Variants in STXBP4 observed in about 807,000 individuals in gnomAD.
STXBP4 encodes syntaxin-binding protein 4.
STXBP4 carries 55 observed loss-of-function variants against 76.1 expected under a neutral mutation model. The observed-to-expected ratio is 0.72, with a 90% confidence interval of 0.58 to 0.91. STXBP4 has a LOEUF of 0.91. STXBP4 is among the 40% of genes least tolerant of loss of function. The pLI is 0.00. For missense variants in STXBP4, 618 were observed against 636.9 expected (o/e 0.97, Z 0.32); for synonymous variants, 201 against 220.2 (o/e 0.91, Z 0.77).
chr17:54,984,086 A>G (rs2077589152), intron 1 of STXBP4, among the ~76,000 whole-genome samples: 1 of 152,148 alleles, frequency 6.6e-6, no homozygotes, highest in South Asian at 2.1e-4. Flanking sequence ...AGAGGGCGTG[A>G]AAGTCGAAAT....
chr17:55,047,967 T>TA (rs1039933347), intron 12 of STXBP4, among the ~76,000 whole-genome samples: 34 of 151,366 alleles, frequency 2.2e-4, no homozygotes, highest in African/African-American at 8.0e-4. Context: ...AATTCTGAAA[T>TA]AAAGAGTAGA....
intron 1 of STXBP4, among the ~76,000 whole-genome samples, chr17:54,978,417 A>G (rs1263757083): frequency 6.6e-6 from 1 of 152,188 alleles, no homozygotes; most frequent in East Asian, 1.9e-4. Flanking sequence ...AGCAGAAAAT[A>G]AGTGTATTTA....
At chr17:55,008,107 A>G (rs1048360720) in intron 8 of STXBP4, among the ~76,000 whole-genome samples, 1 of 152,170 alleles carries the variant, frequency 6.6e-6, no homozygotes, top group Non-Finnish European at 1.5e-5. Context: ...TGAGACTCTC[A>G]TGTAAAAGAA....
intron 13 of STXBP4, among the ~76,000 whole-genome samples, chr17:55,075,082 A>G (rs1470256801): frequency 4.6e-5 from 7 of 151,808 alleles, no homozygotes; most frequent in Admixed American, 4.6e-4. Flanking sequence ...CACCTTCAAC[A>G]TAAGAAATAA....
chr17:55,187,956 A>G, the STXBP4 span, among the ~76,000 whole-genome samples: 1 of 152,220 alleles, frequency 6.6e-6, no homozygotes, highest in South Asian at 2.1e-4. Flanking sequence ...GCCGAACTCT[A>G]CATGCATTAT....
chr17:55,190,782 G>A, the STXBP4 span, among the ~76,000 whole-genome samples: 2 of 152,074 alleles, frequency 1.3e-5, no homozygotes, highest in Non-Finnish European at 2.9e-5. Flanking sequence ...AGCTGGTATT[G>A]TTAACAACTC....
intron 16 of STXBP4, among the ~76,000 whole-genome samples, chr17:55,137,293 C>CTCCT (rs1370022892): frequency 2.7e-5 from 4 of 148,950 alleles, no homozygotes; most frequent in African/African-American, 9.9e-5. Flanking sequence ...CCCTCCCTCC[C>CTCCT]TCCCTCTGTC....
intron 11 of STXBP4, among the ~76,000 whole-genome samples, chr17:55,046,571 G>A (rs1157168307): frequency 6.6e-6 from 1 of 151,784 alleles, no homozygotes; most frequent in Non-Finnish European, 1.5e-5. Flanking sequence ...TATTTTATGT[G>A]TATGTATAAT....
At chr17:55,050,964 G>T (rs952654668) in intron 12 of STXBP4, among the ~76,000 whole-genome samples, 1 of 152,108 alleles carries the variant, frequency 6.6e-6, no homozygotes, top group Non-Finnish European at 1.5e-5. Flanking sequence ...ACTGCACCGG[G>T]CCTGAAATGG....
chr17:55,150,331 C>T (rs1337383981), intron 17 of STXBP4, among the ~76,000 whole-genome samples: 1 of 152,172 alleles, frequency 6.6e-6, no homozygotes. Flanking sequence ...GCTGTGTCCT[C>T]ATCTGGCCTC....
intron 8 of STXBP4, among the ~76,000 whole-genome samples, chr17:55,018,476 G>T (rs2078248448): frequency 6.6e-6 from 1 of 152,172 alleles, no homozygotes; most frequent in Non-Finnish European, 1.5e-5. Flanking sequence ...CATAGAAAGG[G>T]AGGGGACCCA....
At chr17:55,049,197 T>C (rs2144769211) in intron 12 of STXBP4, among the ~76,000 whole-genome samples, 1 of 152,146 alleles carries the variant, frequency 6.6e-6, no homozygotes, top group Non-Finnish European at 1.5e-5. Flanking sequence ...CAGTTTGTGA[T>C]ATACCAGTAC....
rs2077625416 is a variant in STXBP4, at chr17:54,986,282, A to AAT, written c.47+19_47+20dup. 6.5e-7 allele frequency: 1 copy of AAT among 1,544,460 alleles called. No individual in the cohort carries two copies. The highest frequency in any genetic ancestry group is 1.4e-5 in the African/African-American group (1 of 72,584). On this transcript the variant is annotated intron_variant, in intron 3 of 17. Coordinates refer to ENST00000376352, the MANE Select transcript of STXBP4 (RefSeq NM_178509.6). ...TACTTGAAAAGTAATTTTTAAGTTT[A>AAT]ATATGTTTTGAAATATAGTTTGAAA...
At chr17:55,186,852 A>G in the STXBP4 span, among the ~76,000 whole-genome samples, 1 of 152,262 alleles carries the variant, frequency 6.6e-6, no homozygotes, top group South Asian at 2.1e-4. Flanking sequence ...TCTTTCCTCC[A>G]TTTCACAGCT....
chr17:55,093,203 C>G (rs116337624), intron 16 of STXBP4, among the ~76,000 whole-genome samples: 1 of 151,958 alleles, frequency 6.6e-6, no homozygotes, highest in Non-Finnish European at 1.5e-5. Context: ...CACATTGGCC[C>G]GGCTGGTCTT....
At chr17:55,079,007 A>G (rs973446986) in intron 15 of STXBP4, among the ~76,000 whole-genome samples, 3 of 152,184 alleles carry the variant, frequency 2.0e-5, no homozygotes, top group Admixed American at 6.6e-5. Flanking sequence ...CAAAAATTCT[A>G]TAAAGATGAG....
At chr17:55,114,820 A>T (rs905021526) in intron 16 of STXBP4, among the ~76,000 whole-genome samples, 1 of 151,946 alleles carries the variant, frequency 6.6e-6, no homozygotes, top group African/African-American at 2.4e-5. Flanking sequence ...CCCATTGAAC[A>T]CAATGGGCCC....
intron 16 of STXBP4, among the ~76,000 whole-genome samples, chr17:55,111,668 C>A (rs2079717965): frequency 6.6e-6 from 1 of 152,164 alleles, no homozygotes; most frequent in Admixed American, 6.5e-5. Flanking sequence ...TGCCTTCTGC[C>A]ATAAGTAAAA....
chr17:55,048,643 T>A, intron 12 of STXBP4, among the ~76,000 whole-genome samples: 1 of 151,074 alleles, frequency 6.6e-6, no homozygotes, highest in Non-Finnish European at 1.5e-5. Flanking sequence ...CAGGAAAAAG[T>A]GAAATGAGAG....
Sources: allele counts gnomAD v4.1 joint callset (sites outside exome capture counted in the v4.1 genomes callset), GRCh38; gene constraint gnomAD v4.1.1; transcripts MANE v1.5; gene names NCBI Gene and HGNC (gene_info 2026-07-23, HGNC 2026-07-21).